RNF212: variants seen among roughly 807,000 people sequenced by gnomAD.
The protein encoded by RNF212 is ring finger protein 212, also known as probable E3 SUMO-protein ligase RNF212.
In RNF212, 33 loss-of-function variants were observed where a neutral mutation model predicts 34.7. The ratio of observed to expected loss-of-function variants is 0.95; its 90% CI spans 0.72 to 1.27. The LOEUF is 1.27. RNF212 is among the 50% of genes most tolerant of loss of function. The pLI is 0.00. For missense variants in RNF212, 377 were observed against 362.2 expected, an observed-to-expected ratio of 1.04 and a Z score of -0.33; for synonymous variants, 140 against 136.1, an observed-to-expected ratio of 1.03 and a Z score of -0.20.
chr4:1,059,346 T>C (rs545618133), intron 3 of RNF212, among the ~76,000 whole-genome samples: 140 of 152,360 alleles, frequency 9.2e-4, no homozygotes, highest in African/African-American at 3.3e-3. Context: ...GAAGGAAAGC[T>C]GTCTTACTAG....
chr4:1,078,598 T>C (rs780016027), intron 8 of RNF212, among the ~76,000 whole-genome samples: 1 of 152,240 alleles, frequency 6.6e-6, no homozygotes, highest in Non-Finnish European at 1.5e-5. Context: ...ACTACTGTCT[T>C]CTTCAGCACT....
rs771462794 is a variant in RNF212, at chr4:1,108,319, CAGATACG to C, written c.171+17_171+23del. On this transcript the variant is annotated intron_variant, in intron 2 of 9. Transcript: ENST00000433731. ...AGGAAATATGACTGTGATTAAGATG[CAGATACG>C]ACACATTTCAACTTACATGCTTTGA... 7.1e-7 allele frequency: 1 copy of C among 1,417,276 alleles called. No individual in the cohort carries two copies. The highest frequency in any genetic ancestry group is 9.5e-7 in the Non-Finnish European group (1 of 1,057,708). The allele number at this position is 1,417,276 out of a possible 1,614,324, so 87.8% of individuals were successfully genotyped here.
intron 3 of RNF212, chr4:1,094,061 AGGACAGTCT>A (rs1471199258): frequency 4.3e-5 from 57 of 1,340,046 alleles, no homozygotes; most frequent in Non-Finnish European, 4.9e-5. Flanking sequence ...CTCCCAGAGG[AGGACAGTCT>A]TGGGGACCTG....
intron 5 of RNF212, 21 bp from the exon 6 acceptor site, chr4:1,081,640 T>C (rs1418542012): frequency 2.5e-6 from 4 of 1,572,116 alleles, no homozygotes; most frequent in East Asian, 4.5e-5. Context: ...GGAGAAAAGG[T>C]ATTGAATTAA....
chr4:1,073,749 T>C (rs147747822), intron 8 of RNF212, 87 bp from the exon 9 acceptor site: 2 of 862,842 alleles, frequency 2.3e-6, no homozygotes, highest in Non-Finnish European at 3.9e-6. Flanking sequence ...AGGAACACAT[T>C]TCCCAGAACC....
chr4:1,108,786 C>A (rs1219735753), intron 1 of RNF212, among the ~76,000 whole-genome samples: 1 of 152,042 alleles, frequency 6.6e-6, no homozygotes, highest in Non-Finnish European at 1.5e-5. Flanking sequence ...GCAGCCTTGA[C>A]ACCCCCGGGC....
intron 3 of RNF212, among the ~76,000 whole-genome samples, chr4:1,058,971 C>A (rs1717551305): frequency 6.6e-6 from 1 of 152,252 alleles, no homozygotes; most frequent in Non-Finnish European, 1.5e-5. Context: ...CAGTGCCCCA[C>A]CCGTGTTTGC....
chr4:1,072,674 A>T lies in RNF212; in HGVS notation c.*200T>A. On this transcript the variant is annotated 3_prime_UTR_variant, in exon 10 of 10. Coordinates refer to ENST00000433731, the MANE Select transcript of RNF212 (RefSeq NM_001131034.4). ...AAAATAAAAGGGATAATAACAATAT[A>T]TATGAGTACATAAAAATATTGTCTC... is the stretch of plus-strand genomic sequence containing the variant. The T allele has an allele frequency of 8.0e-7, 1 of 1,253,414 alleles. No individual in the cohort carries two copies. The highest frequency in any genetic ancestry group is 2.8e-5 in the East Asian group (1 of 36,184). The allele number at this position is 1,253,414 out of a possible 1,614,324, so 77.6% of individuals were successfully genotyped here.
Position 1,090,802 on chromosome 4 carries a change from A to C in RNF212, c.283T>G (p.Leu95Val). 1 of 1,591,506 alleles carries C rather than the reference A, an allele frequency of 6.3e-7. No homozygotes were observed. Among genetic ancestry groups the C allele is most frequent in the Non-Finnish European group, 8.6e-7 (1 of 1,160,426 alleles). ...EFQEKHRKRL[L>V]AFYREKISRL... ...CTTACCTTTTCTCTATAGAAGGCTA[A>C]CAATCTCTTCCTGTGTTTTTCTTGA... Residue 95 changes from leucine to valine, a missense_variant, in exon 4 of 10, where the codon TTA becomes GTA. Physicochemically the swap from Leu to Val is conservative, Grantham distance 32. Transcript: ENST00000433731.
chr4:1,089,241 C>G (rs187569047), intron 4 of RNF212, among the ~76,000 whole-genome samples: 1 of 152,314 alleles, frequency 6.6e-6, no homozygotes, highest in East Asian at 1.9e-4. Flanking sequence ...TGGGAGCCCC[C>G]CTACCCTTAA....
intron 2 of RNF212, among the ~76,000 whole-genome samples, chr4:1,104,946 TC>T (rs1724582929): frequency 6.6e-6 from 1 of 151,934 alleles, no homozygotes; most frequent in Non-Finnish European, 1.5e-5. Flanking sequence ...TGGGGGCTCC[TC>T]CCCCAGGGAG....
chr4:1,074,964 T>G (rs1719041524), intron 8 of RNF212, among the ~76,000 whole-genome samples: 1 of 152,198 alleles, frequency 6.6e-6, no homozygotes, highest in Non-Finnish European at 1.5e-5. Context: ...AAGAATCCCC[T>G]TGACATCACC....
chr4:1,060,927 G>A (rs1018248037), intron 3 of RNF212, among the ~76,000 whole-genome samples: 1 of 152,232 alleles, frequency 6.6e-6, no homozygotes, highest in Non-Finnish European at 1.5e-5. Context: ...TTGTTGAGGA[G>A]GACTGCTGGC....
intron 2 of RNF212, chr4:1,099,579 G>C (rs1447464487): frequency 2.6e-6 from 1 of 381,604 alleles, no homozygotes; most frequent in Non-Finnish European, 5.2e-6. Context: ...ATTTTTGTTA[G>C]ACTTTTAAAA....
chr4:1,068,149 G>C (rs1045390909), downstream of RNF212, among the ~76,000 whole-genome samples: 2 of 152,166 alleles, frequency 1.3e-5, no homozygotes, highest in East Asian at 3.8e-4. Flanking sequence ...ACCTGGAATA[G>C]GCAAAATTAT....
At chr4:1,088,718 C>A (rs557252720) in intron 4 of RNF212, among the ~76,000 whole-genome samples, 1 of 152,200 alleles carries the variant, frequency 6.6e-6, no homozygotes, top group Non-Finnish European at 1.5e-5. Flanking sequence ...GGCCCCCTGC[C>A]CAACTCTCGT....
At chr4:1,097,302 T>C (rs1295449586) in intron 2 of RNF212, among the ~76,000 whole-genome samples, 1 of 152,044 alleles carries the variant, frequency 6.6e-6, no homozygotes, top group Non-Finnish European at 1.5e-5. Context: ...AGGACACAGG[T>C]TTAAGAAACA....
At chr4:1,091,916 G>C (rs1722247221) in intron 3 of RNF212, among the ~76,000 whole-genome samples, 1 of 152,230 alleles carries the variant, frequency 6.6e-6, no homozygotes, top group Non-Finnish European at 1.5e-5. Flanking sequence ...GGGCTATGAA[G>C]AGGAGTGGAC....
At chr4:1,079,613 A>G in intron 8 of RNF212, 30 bp downstream of exon 8, 1 of 1,503,070 alleles carries the variant, frequency 6.7e-7, no homozygotes, top group Non-Finnish European at 9.3e-7. Context: ...TCTGGTATAC[A>G]GAGGAACTCA....
Sources: gnomAD v4.1 joint callset for allele counts (sites outside exome capture counted in the v4.1 genomes callset) on GRCh38, gnomAD v4.1.1 for gene constraint, MANE v1.5 for transcripts, NCBI Gene and HGNC (gene_info 2026-07-23, HGNC 2026-07-21) for gene names.